EML2: variants seen among roughly 807,000 people sequenced by gnomAD.
The protein encoded by EML2 is EMAP like 2, also known as echinoderm microtubule-associated protein-like 2.
In EML2, 59 loss-of-function variants were observed where a neutral mutation model predicts 84.7. The ratio of observed to expected loss-of-function variants is 0.70; its 90% CI spans 0.56 to 0.86. The LOEUF is 0.86. Ranked by LOEUF, EML2 falls within the 40% of genes least tolerant of loss-of-function variation. The pLI is 0.00. For missense variants in EML2, 818 were observed against 855.6 expected (o/e 0.96, Z 0.55); for synonymous variants, 352 against 348.9 (o/e 1.01, Z -0.10).
chr19:45,614,875 G>GC (rs1466810729), intron 16 of EML2, 175 bp from the exon 17 acceptor site: 1 of 558,480 alleles, frequency 1.8e-6, no homozygotes, highest in Non-Finnish European at 3.2e-6. Flanking sequence ...TTCACAGCCC[G>GC]CAGCGTAAGC....
At chr19:45,627,934 GC>G (rs1972565294) in intron 7 of EML2, among the ~76,000 whole-genome samples, 1 of 152,134 alleles carries the variant, frequency 6.6e-6, no homozygotes, top group Admixed American at 6.6e-5. Context: ...GGTGGTGCAT[GC>G]CTGTAATCCC....
intron 3 of EML2, among the ~76,000 whole-genome samples, chr19:45,637,082 C>T (rs895061630): frequency 1.3e-5 from 2 of 152,256 alleles, no homozygotes; most frequent in African/African-American, 4.8e-5. Flanking sequence ...TCAAGCCCTA[C>T]TGGCAGGACA....
intron 7 of EML2, among the ~76,000 whole-genome samples, chr19:45,629,508 G>C (rs1337653112): frequency 1.3e-5 from 2 of 151,946 alleles, no homozygotes; most frequent in African/African-American, 2.4e-5. Flanking sequence ...ATTTTTAGTA[G>C]AGACAGGGTT....
rs754477340 is a variant in EML2, at chr19:45,634,388, G to C, written c.263C>G (p.Ala88Gly). 3.1e-6 allele frequency: 5 copies of C among 1,613,994 alleles called. No homozygotes were observed. In the South Asian group the frequency reaches 5.5e-5, roughly 18 times the overall value. ...CTGCTCCTCCACGCTGTATAGCACG[G>C]CTACGGAGGCCACAAAGTACACTAT... Reference protein sequence around the residue: ...GEIVYFVASVAVLYSVEEQRQ... With the variant: ...GEIVYFVASVGVLYSVEEQRQ... The change falls in exon 4 of 19, where the codon GCC becomes GGC. Residue 88 changes from alanine (A) to glycine (G), a missense_variant. Physicochemically the swap from Ala to Gly is moderately conservative, Grantham distance 60. Transcript: ENST00000245925.
At position 45,609,664 on chromosome 19, in the gene EML2, C is replaced by T. The variant is rs769550501; in HGVS notation, c.1949G>A (p.Ter650=). ...ACACCTGACTCTTCCCTGGCCGCAT[C>T]AGACCACCCGCCACTGTAGCACACT... is the stretch of plus-strand genomic sequence containing the variant. The part of the protein sequence containing the change: ...DTSVLQWRVV[*] Residue 650 remains the stop codon, a stop_retained_variant, in exon 19 of 19, where the codon TGA becomes TAA. Coordinates refer to ENST00000245925, the MANE Select transcript of EML2 (RefSeq NM_012155.4). 2.1e-5 allele frequency: 33 copies of T among 1,600,080 alleles called. No individual in the cohort carries two copies. Among genetic ancestry groups the T allele is most frequent in the Middle Eastern group, 1.7e-4 (1 of 6,038 alleles).
chr19:45,641,460 A>G (rs1422613666), upstream of EML2: 2 of 626,944 alleles, frequency 3.2e-6, no homozygotes, highest in Admixed American at 3.0e-5. Flanking sequence ...CCGCCCTCCC[A>G]GACCTTCCAC....
intron 9 of EML2, among the ~76,000 whole-genome samples, chr19:45,622,902 A>C (rs2122678125): frequency 6.6e-6 from 1 of 150,636 alleles, no homozygotes; most frequent in South Asian, 2.1e-4. Flanking sequence ...ACAAAAAATT[A>C]GCCGGGAGTG....
chr19:45,620,956 G>A, intron 11 of EML2: 1 of 611,074 alleles, frequency 1.6e-6, no homozygotes, highest in South Asian at 1.5e-5. Context: ...CCAACCTGAA[G>A]GGTGCCACCC....
rs141559638 is a variant in EML2 at position 45,621,590 on chromosome 19, C to T, written c.889G>A (p.Val297Met). Residue 297 changes from valine to methionine, a missense_variant, in exon 10 of 19, where the codon GTG becomes ATG. Coordinates refer to ENST00000245925, the MANE Select transcript of EML2 (RefSeq NM_012155.4). ...QAVLGAHDGG[V>M]FGLCALRDGT... ...TCCCGCAGGGCGCAGAGCCCAAACA[C>T]GCCGCCGTCGTGGGCGCCCAGCACC... 1.9e-5 allele frequency: 30 copies of T among 1,611,148 alleles called. No individual in the cohort carries two copies. Among genetic ancestry groups the T allele is most frequent in the Middle Eastern group, 1.6e-4 (1 of 6,084 alleles).
intron 1 of EML2, 113 bp from the exon 2 acceptor site, chr19:45,638,986 C>T: frequency 7.8e-7 from 1 of 1,279,150 alleles, no homozygotes; most frequent in African/African-American, 1.5e-5. Context: ...AAAACGGGGC[C>T]GAGTAAGGGG....
chr19:45,626,654 C>T lies in EML2; in HGVS notation c.741+51G>A, dbSNP rs117568282. 2,781 of 1,572,606 alleles carry T rather than the reference C, an allele frequency of 1.8e-3. 59 individuals carry two copies. In the East Asian group the frequency reaches 0.039, roughly 22 times the overall value. ...GGATCTTGCTACCTCCCTGCCTGTC[C>T]CTAACTACCTCTCTCAGGGCCAGCC... On this transcript the variant is annotated intron_variant, in intron 8 of 18. Transcript: ENST00000245925.
At chr19:45,626,968 T>TTC in intron 7 of EML2, 129 bp from the exon 8 acceptor site, 2 of 945,290 alleles carry the variant, frequency 2.1e-6, no homozygotes, top group East Asian at 2.9e-5. Context: ...TTCTTTTTTT[T>TTC]TTTTTTTTCA....
intron 6 of EML2, among the ~76,000 whole-genome samples, chr19:45,631,423 ATC>A (rs1973013686): frequency 6.6e-6 from 1 of 151,820 alleles, no homozygotes; most frequent in Non-Finnish European, 1.5e-5. Context: ...CTATCTATCT[ATC>A]TATATATTTT....
chr19:45,638,427 G>GGTTTGA, intron 3 of EML2, 78 bp downstream of exon 3: 1 of 1,599,088 alleles, frequency 6.3e-7, no homozygotes, highest in Non-Finnish European at 8.5e-7. Context: ...TGAGATTACA[G>GGTTTGA]GCCTGAGCTG....
chr19:45,638,552 C>G lies in EML2; in HGVS notation c.132G>C (p.Leu44=). The stretch of plus-strand genomic sequence containing the variant: ...AAGAAGGCAGCTCCGAGCGTGTGTC[C>G]AGGCTGTAGGTGGGTGCCAGCTCGT... ...IPDELAPTYS[L]DTRSELPSCR... The change falls in exon 3 of 19, where the codon CTG becomes CTC. Residue 44 remains leucine, a synonymous_variant. Transcript: ENST00000245925. The G allele has an allele frequency of 6.2e-7, 1 of 1,614,088 alleles. No homozygotes were observed. The highest frequency in any genetic ancestry group is 8.5e-7 in the Non-Finnish European group (1 of 1,180,008).
chr19:45,641,173 GA>G (rs1974447102), upstream of EML2: 1 of 155,566 alleles, frequency 6.4e-6, no homozygotes, highest in African/African-American at 2.4e-5. Context: ...CTGGAATCTG[GA>G]ATGCCTCCAC....
At chr19:45,643,435 G>A (rs1974771631), upstream of EML2, 2 of 749,476 alleles carry the variant, frequency 2.7e-6, no homozygotes, top group Non-Finnish European at 4.0e-6. Context: ...TCTGTACCCC[G>A]CGCCCCAGAT....
intron 7 of EML2, among the ~76,000 whole-genome samples, chr19:45,629,403 G>A (rs1227154361): frequency 1.3e-5 from 2 of 152,012 alleles, no homozygotes; most frequent in South Asian, 2.1e-4. Context: ...TTGGCTCACC[G>A]CAACCTCCGC....
intron 4 of EML2, 72 bp from the exon 5 acceptor site, chr19:45,633,211 A>C: frequency 6.9e-7 from 1 of 1,458,422 alleles, no homozygotes; most frequent in Non-Finnish European, 9.5e-7. Context: ...CAGGACATTC[A>C]TTCCACAAAT....
Sources: allele counts gnomAD v4.1 joint callset (sites outside exome capture counted in the v4.1 genomes callset), GRCh38; gene constraint gnomAD v4.1.1; transcripts MANE v1.5; gene names NCBI Gene and HGNC (gene_info 2026-07-23, HGNC 2026-07-21).